CLYBL: variants seen among roughly 807,000 people sequenced by gnomAD.
The protein encoded by CLYBL is citramalyl-CoA lyase, also known as citramalyl-CoA lyase, mitochondrial.
CLYBL carries 31 observed loss-of-function variants against 38.9 expected under a neutral mutation model. The ratio of observed to expected loss-of-function variants is 0.80; its 90% CI spans 0.60 to 1.08. CLYBL has a LOEUF of 1.08. Among genes scored for constraint, CLYBL ranks in the 50% least tolerant of loss-of-function variants. The pLI is 0.00. For missense variants in CLYBL, 434 were observed against 411.6 expected (o/e 1.05, Z -0.47); for synonymous variants, 171 against 158.6 (o/e 1.08, Z -0.59).
chr13:99,640,991 A>C (rs993134194), intron 1 of CLYBL, among the ~76,000 whole-genome samples: 2 of 152,250 alleles, frequency 1.3e-5, no homozygotes, highest in Admixed American at 1.3e-4. Context: ...ACTTTGGTTT[A>C]CATATATTGT....
intron 2 of CLYBL, among the ~76,000 whole-genome samples, chr13:99,820,366 T>A (rs943937249): frequency 6.6e-6 from 1 of 152,182 alleles, no homozygotes; most frequent in African/African-American, 2.4e-5. Context: ...TTAAAAATTT[T>A]TGTCTTTATT....
intron 1 of CLYBL, among the ~76,000 whole-genome samples, chr13:99,744,376 TG>T (rs2048813687): frequency 6.6e-6 from 1 of 152,162 alleles, no homozygotes; most frequent in Non-Finnish European, 1.5e-5. Flanking sequence ...CACTGTAGTG[TG>T]AGGGAAAAGT....
chr13:99,782,332 C>A (rs1473156113), intron 2 of CLYBL, among the ~76,000 whole-genome samples: 2 of 152,112 alleles, frequency 1.3e-5, no homozygotes, highest in Non-Finnish European at 2.9e-5. Flanking sequence ...CATGGTGAAA[C>A]CTTATCTCTA....
chr13:99,809,081 A>G (rs2050288343), intron 2 of CLYBL, among the ~76,000 whole-genome samples: 1 of 152,204 alleles, frequency 6.6e-6, no homozygotes, highest in Non-Finnish European at 1.5e-5. Context: ...ATGCTTGTTA[A>G]TTGTTTAGAC....
At chr13:99,646,510 C>CT (rs140419884) in intron 1 of CLYBL, among the ~76,000 whole-genome samples, 1,124 of 109,250 alleles carry the variant, frequency 0.01, 14 homozygotes, top group East Asian at 0.026. Context: ...TTACAGAAAT[C>CT]TTTTTTTTTT....
downstream of CLYBL, chr13:99,894,936 C>T (rs947674304): frequency 2.6e-5 from 4 of 152,178 alleles, no homozygotes; most frequent in African/African-American, 9.7e-5. Flanking sequence ...CGGGAGCGTT[C>T]CCGTCTGATG....
Position 99,606,702 on chromosome 13 carries a change from C to G in CLYBL, c.7C>G (p.Leu3Val), listed in dbSNP as rs780624483. Reference sequence around the variant, plus strand: ...GGGCGCGCGCGTCGGGAAGATGGCGCTACGTCTGCTGCGGAGGGCGGCGCG... The same window carrying G: ...GGGCGCGCGCGTCGGGAAGATGGCGGTACGTCTGCTGCGGAGGGCGGCGCG... MALRLLRRAARGA... is the reference protein window; with the variant it reads MAVRLLRRAARGA... Residue 3 changes from leucine to valine, a missense_variant, in exon 1 of 9, where the codon CTA becomes GTA. Leu to Val is a conservative substitution (Grantham distance 32). Coordinates refer to ENST00000339105, the MANE Select transcript of CLYBL (RefSeq NM_206808.5). The G allele has an allele frequency of 8.3e-5, 124 of 1,492,340 alleles. No individual in the cohort carries two copies. In the South Asian group the frequency reaches 1.4e-3, roughly 17 times the overall value. 92.4% of individuals were successfully genotyped at this position (1,492,340 alleles called of 1,614,324 possible).
chr13:99,740,710 C>T (rs2048740332), intron 1 of CLYBL, among the ~76,000 whole-genome samples: 1 of 152,196 alleles, frequency 6.6e-6, no homozygotes. Flanking sequence ...TAGACTCTTC[C>T]CAGAGGCTTT....
chr13:99,606,758 G>C lies in CLYBL; in HGVS notation c.62+1G>C, dbSNP rs2046529382. 1 of 1,472,822 alleles carries C rather than the reference G, an allele frequency of 6.8e-7. No individual in the cohort carries two copies. Among genetic ancestry groups the C allele is most frequent in the African/African-American group, 1.5e-5 (1 of 68,162 alleles). 91.2% of individuals were successfully genotyped at this position (1,472,822 alleles called of 1,614,324 possible). ...CTGCGGCGGCGGCGCTGCTGAGGCTGTGAGTGCAGGTCCCCGTTCCCCGCC... is the reference window on the plus strand; with the variant it reads ...CTGCGGCGGCGGCGCTGCTGAGGCTCTGAGTGCAGGTCCCCGTTCCCCGCC... On this transcript the variant is annotated splice_donor_variant, in intron 1 of 8. Coordinates refer to ENST00000339105, the MANE Select transcript of CLYBL (RefSeq NM_206808.5). LOFTEE classifies it high-confidence loss of function.
intron 1 of CLYBL, among the ~76,000 whole-genome samples, chr13:99,663,930 A>G (rs2139340317): frequency 6.6e-6 from 1 of 152,396 alleles, no homozygotes; most frequent in East Asian, 1.9e-4. Flanking sequence ...ATAAAACTGC[A>G]AATTTAATGA....
intron 1 of CLYBL, among the ~76,000 whole-genome samples, chr13:99,707,248 T>C (rs528534325): frequency 7.2e-4 from 109 of 152,302 alleles, no homozygotes; most frequent in Non-Finnish European, 1.3e-3. Flanking sequence ...TAAGTGCTAG[T>C]ATTATGCAAT....
At chr13:99,808,937 A>G (rs1230107945) in intron 2 of CLYBL, among the ~76,000 whole-genome samples, 1 of 152,176 alleles carries the variant, frequency 6.6e-6, no homozygotes, top group Non-Finnish European at 1.5e-5. Context: ...ATGAGTATGT[A>G]AGCTCCTTAA....
intron 7 of CLYBL, among the ~76,000 whole-genome samples, chr13:99,875,141 T>C (rs1006768166): frequency 1.6e-4 from 24 of 152,188 alleles, no homozygotes; most frequent in African/African-American, 5.8e-4. Context: ...GGGGAAGTAT[T>C]CATCTTTAAA....
chr13:99,627,045 A>G (rs188832080), intron 1 of CLYBL, among the ~76,000 whole-genome samples: 30 of 151,370 alleles, frequency 2.0e-4, no homozygotes, highest in South Asian at 6.3e-4. Flanking sequence ...TTTGAATCTG[A>G]AAAAAAGTGC....
Position 99,849,215 on chromosome 13 carries a change from T to C in CLYBL, c.250-9646T>C, listed in dbSNP as rs1943553303. Among the ~76,000 whole-genome samples, 1 of 152,128 alleles carries C rather than the reference T, an allele frequency of 6.6e-6. No individual in the cohort carries two copies. The highest frequency in any genetic ancestry group is 1.5e-5 in the Non-Finnish European group (1 of 68,026). ...GTGGTACGTAAATACTCTGTCTTTTTTAAAAGTTGTGTGTAGCCGAGTGTG... is the reference window on the plus strand; with the variant it reads ...GTGGTACGTAAATACTCTGTCTTTTCTAAAAGTTGTGTGTAGCCGAGTGTG... On this transcript the variant is annotated intron_variant, in intron 2 of 8. Transcript: ENST00000339105. This position sits in a 1 kb window ranked among gnomAD's most constrained non-coding sequence, Gnocchi z 4.9.
chr13:99,607,722 C>T (rs2046550715), intron 1 of CLYBL, among the ~76,000 whole-genome samples: 1 of 152,166 alleles, frequency 6.6e-6, no homozygotes, highest in African/African-American at 2.4e-5. Context: ...GTGTATGGCT[C>T]CTGGTCTGGA....
At chr13:99,898,213 T>C (rs117434549), downstream of CLYBL, among the ~76,000 whole-genome samples, 778 of 152,332 alleles carry the variant, frequency 5.1e-3, 5 homozygotes, top group Non-Finnish European at 8.2e-3. Context: ...TTCTGTTTTG[T>C]TTTTAAACAC....
At chr13:99,827,235 A>C (rs2050712101) in intron 2 of CLYBL, among the ~76,000 whole-genome samples, 1 of 152,006 alleles carries the variant, frequency 6.6e-6, no homozygotes, top group African/African-American at 2.4e-5. Context: ...ATTGTCCGTG[A>C]CTGTGTTCCG....
intron 1 of CLYBL, among the ~76,000 whole-genome samples, chr13:99,637,668 G>T (rs183237828): frequency 1.2e-4 from 19 of 152,342 alleles, no homozygotes; most frequent in African/African-American, 4.1e-4. Flanking sequence ...TGAGGGAGGA[G>T]AATTGCTTGA....
Sources: allele counts gnomAD v4.1 joint callset (sites outside exome capture counted in the v4.1 genomes callset), GRCh38; gene constraint gnomAD v4.1.1; non-coding constraint Gnocchi (gnomAD v3.1); transcripts MANE v1.5; gene names NCBI Gene and HGNC (gene_info 2026-07-23, HGNC 2026-07-21).